The following GRIK5 variants were observed in gnomAD, a reference collection of about 807,000 sequenced individuals.
The protein encoded by GRIK5 is glutamate ionotropic receptor kainate type subunit 5.
Under a neutral mutation model 97.4 loss-of-function variants are expected in GRIK5, and 43 were observed. The observed-to-expected ratio is 0.44, with a 90% CI of 0.35 to 0.57. The LOEUF is 0.57. GRIK5 is among the 20% of genes least tolerant of loss of function. GRIK5 has a pLI of 0.01. For missense variants in GRIK5, 1,015 were observed against 1,382.0 expected, an observed-to-expected ratio of 0.73 and a Z score of 4.21; for synonymous variants, 580 against 583.5, an observed-to-expected ratio of 0.99 and a Z score of 0.09.
intron 6 of GRIK5, among the ~76,000 whole-genome samples, chr19:42,058,246 T>C (rs2076212582): frequency 6.6e-6 from 1 of 152,020 alleles, no homozygotes; most frequent in Non-Finnish European, 1.5e-5. Context: ...AGTGGTGCAA[T>C]CTCAGCTCAC....
At chr19:42,023,689 T>C (rs1205347027) in intron 12 of GRIK5, among the ~76,000 whole-genome samples, 1 of 152,216 alleles carries the variant, frequency 6.6e-6, no homozygotes, top group Non-Finnish European at 1.5e-5. Context: ...CACCTGCCTC[T>C]TGCTGGGCTG....
intron 11 of GRIK5, among the ~76,000 whole-genome samples, chr19:42,052,880 G>C (rs979906722): frequency 1.3e-5 from 2 of 152,240 alleles, no homozygotes; most frequent in Non-Finnish European, 2.9e-5. Flanking sequence ...CTCTGCCGGG[G>C]ACTCACTGTG....
intron 5 of GRIK5, among the ~76,000 whole-genome samples, chr19:42,060,632 A>C (rs1599846877): frequency 1.4e-5 from 2 of 145,358 alleles, no homozygotes; most frequent in African/African-American, 2.6e-5. Flanking sequence ...CCCATCACTC[A>C]CTCTCTGGGC....
chr19:41,999,172 C>T lies in GRIK5; in HGVS notation c.2642G>A (p.Arg881His). ...CTTGCCGTTGCTGAGGCGCATCTCG[C>T]GGACCGCGCGCAGTGACAGCAGGGC... ...SRALLSLRAV[R>H]EMRLSNGKLY... The change falls in exon 20 of 20, where the codon CGC becomes CAC. Residue 881 changes from arginine to histidine, a missense_variant. Arg to His is a conservative substitution (Grantham distance 29). Around this residue, in one of 5 missense-constraint regions of GRIK5, gnomAD observed 229 missense variants for 341.0 expected, o/e 0.67. Transcript: ENST00000593562. The surrounding 1 kb of genome is among the most constrained non-coding windows in gnomAD (Gnocchi z 5.0). 4.6e-6 allele frequency: 7 copies of T among 1,507,154 alleles called. No homozygotes were observed. The highest frequency in any genetic ancestry group is 1.2e-5 in the South Asian group (1 of 81,538). The allele number at this position is 1,507,154 out of a possible 1,614,324, so 93.4% of individuals were successfully genotyped here. A position where few individuals can be genotyped will look rare whatever the true frequency, so the allele number is the denominator to read the frequency against.
chr19:42,068,975 CAAGT>C (rs2076383391), intron 1 of GRIK5: 1 of 572,960 alleles, frequency 1.7e-6, no homozygotes. Flanking sequence ...AGTGAGAGCC[CAAGT>C]AAGAGCAATC....
chr19:42,013,416 T>C (rs986366214), intron 15 of GRIK5, among the ~76,000 whole-genome samples: 66 of 142,712 alleles, frequency 4.6e-4, no homozygotes, highest in Admixed American at 2.2e-3. Flanking sequence ...TTCTTTTTTT[T>C]TTTTTTTTTT....
rs761405485 is a variant in GRIK5, at chr19:42,053,676, T to C, written c.1195A>G (p.Met399Val). The change falls in exon 11 of 20, where the codon ATG becomes GTG. Residue 399 changes from methionine (M) to valine (V), a missense_variant. Physicochemically the swap from Met to Val is conservative, Grantham distance 21. Transcript: ENST00000593562. ...TTGATGTCCAGGGTGGTGGCATTCA[T>C]GGCCAGGGTGCGGTTAGAGTACCAC... ...GVWYSNRTLA[M>V]NATTLDINLS... 4.3e-6 allele frequency: 7 copies of C among 1,613,298 alleles called. No individual in the cohort carries two copies. The South Asian group carries it at 4.4e-5, about 10-fold the overall frequency.
At chr19:42,063,436 C>A in intron 3 of GRIK5, 1 of 444,898 alleles carries the variant, frequency 2.2e-6, no homozygotes, top group South Asian at 1.6e-5. Flanking sequence ...GGGAACTATC[C>A]TCACCCTTCA....
At chr19:42,030,218 G>A (rs1387092692) in intron 12 of GRIK5, among the ~76,000 whole-genome samples, 1 of 152,162 alleles carries the variant, frequency 6.6e-6, no homozygotes, top group Admixed American at 6.5e-5. Context: ...GAGTCTCGCT[G>A]TCGCCCAGGC....
Position 42,020,423 on chromosome 19 carries a change from G to A in GRIK5, c.1871+878C>T, listed in dbSNP as rs573834271. On this transcript the variant is annotated intron_variant, in intron 15 of 19. Coordinates refer to ENST00000593562, the MANE Select transcript of GRIK5 (RefSeq NM_002088.5). Reference sequence around the variant, plus strand: ...GGGCTGATTCCTCACCTGAGTGCCTGGCACATGGACAGGCTCAACAGGCAT... The same window carrying A: ...GGGCTGATTCCTCACCTGAGTGCCTAGCACATGGACAGGCTCAACAGGCAT... Among the ~76,000 whole-genome samples, 3 of 152,324 alleles carry A rather than the reference G, an allele frequency of 2.0e-5. No homozygotes were observed. The South Asian group carries it at 6.2e-4, about 32-fold the overall frequency.
rs532493795 is a variant in GRIK5 at position 41,999,751 on chromosome 19, C to CG, written c.2515-453dup. On this transcript the variant is annotated intron_variant, in intron 19 of 19. Coordinates refer to ENST00000593562, the MANE Select transcript of GRIK5 (RefSeq NM_002088.5). The surrounding 1 kb of genome is among the most constrained non-coding windows in gnomAD (Gnocchi z 5.0). ...GGAAACAGACAGAAGTCCCAGCCCT[C>CG]GTGGAGGTTATGCTCAAGTGTGCAG... is the stretch of plus-strand genomic sequence containing the variant. Among the ~76,000 whole-genome samples, 765 of 152,280 alleles carry CG rather than the reference C, an allele frequency of 5.0e-3. 6 individuals are homozygous for CG. The highest frequency in any genetic ancestry group is 0.018 in the African/African-American group (734 of 41,554).
rs2075401389 is a variant in GRIK5 at position 41,998,792 on chromosome 19, C to T, written c.*79G>A. 1.4e-6 allele frequency: 1 copy of T among 721,880 alleles called. No homozygotes were observed. Among genetic ancestry groups the T allele is most frequent in the Non-Finnish European group, 1.7e-6 (1 of 573,022 alleles). 44.7% of individuals were successfully genotyped at this position (721,880 alleles called of 1,614,324 possible). A position where few individuals can be genotyped will look rare whatever the true frequency, so the allele number is the denominator to read the frequency against. On this transcript the variant is annotated 3_prime_UTR_variant, in exon 20 of 20. Transcript: ENST00000593562. ...CACAAGTCCTGTCCCGCGCCCGCTG[C>T]GGGAGCGGAGACTGCTGGGGCCTGG... is the stretch of plus-strand genomic sequence containing the variant.
Position 42,003,297 on chromosome 19 carries a change from C to T in GRIK5, c.2514+35G>A. On this transcript the variant is annotated intron_variant, in intron 19 of 19. Transcript: ENST00000593562. The surrounding 1 kb of genome is among the most constrained non-coding windows in gnomAD (Gnocchi z 4.2). ...CACGCACCTCAGCCCCTGGGGGTCC[C>T]TGTTCCTGCCCACCCCCACCCCCAG... The T allele has an allele frequency of 1.3e-6, 2 of 1,595,316 alleles. No homozygotes were observed. Among genetic ancestry groups the T allele is most frequent in the Non-Finnish European group, 1.7e-6 (2 of 1,167,472 alleles).
intron 3 of GRIK5, among the ~76,000 whole-genome samples, 170 bp from the exon 4 acceptor site, chr19:42,063,025 T>G (rs1487654925): frequency 6.6e-6 from 1 of 151,814 alleles, no homozygotes; most frequent in African/African-American, 2.4e-5. Context: ...ACCCAACAAG[T>G]GAACATGAGG....
At position 42,065,732 on chromosome 19, in the gene GRIK5, G is replaced by C. The variant is rs147540860; in HGVS notation, c.39C>G (p.Phe13Leu). ...AGAGCACCTGGCAGCTGGGGCTGGC[G>C]AAGGCAACAATCAGCAGCAGCAGCA... ...AELLLLLIVA[F>L]ASPSCQVLSS... The change falls in exon 2 of 20, where the codon TTC becomes TTG. Residue 13 changes from phenylalanine (F) to leucine (L), a missense_variant. By Grantham distance (22) the Phe-to-Leu change is conservative. Around this residue, in one of 5 missense-constraint regions of GRIK5, gnomAD observed 198 missense variants for 218.2 expected, o/e 0.91. Transcript: ENST00000593562. The surrounding 1 kb of genome is among the most constrained non-coding windows in gnomAD (Gnocchi z 5.8). 1 of 1,597,506 alleles carries C rather than the reference G, an allele frequency of 6.3e-7. No individual in the cohort carries two copies. The highest frequency in any genetic ancestry group is 8.5e-7 in the Non-Finnish European group (1 of 1,173,782).
chr19:42,020,190 T>C (rs1364141096), intron 15 of GRIK5, among the ~76,000 whole-genome samples: 1 of 152,184 alleles, frequency 6.6e-6, no homozygotes, highest in Non-Finnish European at 1.5e-5. Flanking sequence ...ACCAAGTGAA[T>C]TGCTAATGCC....
rs746635116 is a variant in GRIK5 at position 42,065,404 on chromosome 19, G to A, written c.80-17C>T. Reference sequence around the variant, plus strand: ...GGATTGCAGCTGAGGGGACACATGGGTTGGGGACCAGACTCCTGAGTCCTG... The same window carrying A: ...GGATTGCAGCTGAGGGGACACATGGATTGGGGACCAGACTCCTGAGTCCTG... On this transcript the variant is annotated splice_polypyrimidine_tract_variant and intron_variant, in intron 2 of 19. Transcript: ENST00000593562. This position sits in a 1 kb window ranked among gnomAD's most constrained non-coding sequence, Gnocchi z 5.8. 7 of 1,566,662 alleles carry A rather than the reference G, an allele frequency of 4.5e-6. No homozygotes were observed. The South Asian group carries it at 8.1e-5, about 18-fold the overall frequency.
Position 42,056,713 on chromosome 19 carries a change from G to T in GRIK5, c.852C>A (p.Leu284=), listed in dbSNP as rs372110016. 6 of 1,614,146 alleles carry T rather than the reference G, an allele frequency of 3.7e-6. No individual in the cohort carries two copies. In the South Asian group the frequency reaches 6.6e-5, roughly 18 times the overall value. ...CACAGTTCTCCCTCCAGGACATGTT[G>T]AGGCTGCGGACAAACTCAGGGTAGA... ...HPFYPEFVRS[L]NMSWRENCEA... Residue 284 remains leucine, a synonymous_variant, in exon 8 of 20, where the codon CTC becomes CTA. Coordinates refer to ENST00000593562, the MANE Select transcript of GRIK5 (RefSeq NM_002088.5).
At chr19:42,017,786 G>A (rs750065623) in intron 15 of GRIK5, among the ~76,000 whole-genome samples, 3 of 152,178 alleles carry the variant, frequency 2.0e-5, no homozygotes, top group Non-Finnish European at 4.4e-5. Context: ...CCAAGCTACT[G>A]GCTAGATCTG....
Sources: gnomAD v4.1 joint callset for allele counts (sites outside exome capture counted in the v4.1 genomes callset) on GRCh38, gnomAD v4.1.1 for gene constraint, gnomAD v4.1.1 regional missense constraint, Gnocchi (gnomAD v3.1) non-coding constraint, MANE v1.5 for transcripts, NCBI Gene and HGNC (gene_info 2026-07-23, HGNC 2026-07-21) for gene names.